WDR70: variants seen among roughly 807,000 people sequenced by gnomAD.
The protein encoded by WDR70 is WD repeat-containing protein 70.
A neutral mutation model predicts 88.6 loss-of-function variants in WDR70; 53 were observed. The ratio of observed to expected loss-of-function variants is 0.60; its 90% CI spans 0.48 to 0.75. The LOEUF is 0.75. Among genes scored for constraint, WDR70 ranks in the 30% least tolerant of loss-of-function variants. WDR70 has a pLI of 0.00. For synonymous variants in WDR70, 280 were observed against 270.0 expected (o/e 1.04, Z -0.36); for missense variants, 610 against 823.2 (o/e 0.74, Z 3.17).
intron 7 of WDR70, chr5:37,479,580 C>T (rs574126449): frequency 2.7e-4 from 78 of 284,092 alleles, no homozygotes; most frequent in East Asian, 1.8e-3. Flanking sequence ...CATGTTGGTC[C>T]GGCTGATTTT....
chr5:37,720,639 G>C (rs573508111), intron 13 of WDR70, among the ~76,000 whole-genome samples: 13 of 152,120 alleles, frequency 8.5e-5, no homozygotes, highest in Non-Finnish European at 1.8e-4. Context: ...GCCTACAAAT[G>C]TGCATTGTTT....
intron 10 of WDR70, among the ~76,000 whole-genome samples, chr5:37,612,085 G>T (rs901811839): frequency 1.2e-4 from 19 of 152,068 alleles, no homozygotes; most frequent in Non-Finnish European, 1.5e-5. Flanking sequence ...AAGTAGCACG[G>T]TATTCACTCT....
chr5:37,697,063 T>C (rs910210799), intron 10 of WDR70, among the ~76,000 whole-genome samples: 2 of 152,150 alleles, frequency 1.3e-5, no homozygotes, highest in Non-Finnish European at 2.9e-5. Flanking sequence ...ATGATAATAA[T>C]GGAACCTAAC....
intron 5 of WDR70, among the ~76,000 whole-genome samples, chr5:37,419,521 A>G (rs553281142): frequency 4.0e-5 from 6 of 151,520 alleles, no homozygotes; most frequent in Admixed American, 3.9e-4. Context: ...TTTTTTTAAA[A>G]ACTGAATTTA....
intron 8 of WDR70, among the ~76,000 whole-genome samples, chr5:37,504,140 A>G (rs1264636063): frequency 1.3e-5 from 2 of 152,250 alleles, no homozygotes; most frequent in Middle Eastern, 3.4e-3. Context: ...TTTTTTTGTC[A>G]TATGATTGAT....
At chr5:37,704,725 T>A (rs1216995197) in intron 13 of WDR70, among the ~76,000 whole-genome samples, 1 of 152,132 alleles carries the variant, frequency 6.6e-6, no homozygotes, top group African/African-American at 2.4e-5. Flanking sequence ...ATTGAATGAG[T>A]GAGAGATATA....
chr5:37,739,036 T>G (rs2112727273), intron 17 of WDR70, among the ~76,000 whole-genome samples: 1 of 152,326 alleles, frequency 6.6e-6, no homozygotes, highest in South Asian at 2.1e-4. Flanking sequence ...TCTTGGTAAC[T>G]CTAGTAAACA....
intron 8 of WDR70, among the ~76,000 whole-genome samples, chr5:37,516,035 T>C (rs1740876423): frequency 6.6e-6 from 1 of 152,220 alleles, no homozygotes; most frequent in African/African-American, 2.4e-5. Context: ...ACAGAGGCAT[T>C]GTAGAATCAA....
At chr5:37,664,932 C>T (rs1240443275) in intron 10 of WDR70, among the ~76,000 whole-genome samples, 3 of 152,184 alleles carry the variant, frequency 2.0e-5, no homozygotes, top group Non-Finnish European at 4.4e-5. Context: ...CTGTGTCATA[C>T]AGTTTCAAGG....
intron 5 of WDR70, among the ~76,000 whole-genome samples, chr5:37,415,378 C>T: frequency 7.5e-6 from 1 of 132,940 alleles, no homozygotes; most frequent in Non-Finnish European, 1.7e-5. Flanking sequence ...GCACCCCTCA[C>T]CTCCCGGACG....
intron 9 of WDR70, among the ~76,000 whole-genome samples, chr5:37,548,018 G>C (rs1201273495): frequency 6.6e-6 from 1 of 152,146 alleles, no homozygotes; most frequent in Non-Finnish European, 1.5e-5. Flanking sequence ...TTGTGTATGA[G>C]TACCATATTT....
At chr5:37,454,982 G>C (rs1464778101) in intron 7 of WDR70, among the ~76,000 whole-genome samples, 2 of 152,132 alleles carry the variant, frequency 1.3e-5, no homozygotes, top group African/African-American at 4.8e-5. Flanking sequence ...TGTTCTGATT[G>C]ATGATTAAAT....
chr5:37,553,273 A>G (rs1742199640), intron 9 of WDR70, among the ~76,000 whole-genome samples: 1 of 152,092 alleles, frequency 6.6e-6, no homozygotes, highest in African/African-American at 2.4e-5. Context: ...TATGTTACAC[A>G]TTTATTTAGG....
At chr5:37,527,794 C>G (rs187705899) in intron 9 of WDR70, among the ~76,000 whole-genome samples, 1 of 152,104 alleles carries the variant, frequency 6.6e-6, no homozygotes, top group Non-Finnish European at 1.5e-5. Flanking sequence ...AAGAAAAAAA[C>G]AACCCCATCA....
intron 10 of WDR70, among the ~76,000 whole-genome samples, chr5:37,692,033 G>C (rs889785000): frequency 1.3e-5 from 2 of 152,036 alleles, no homozygotes; most frequent in African/African-American, 2.4e-5. Flanking sequence ...TATCACCACC[G>C]ATCCCACAGA....
chr5:37,402,116 T>C (rs773670676), intron 5 of WDR70, among the ~76,000 whole-genome samples: 15 of 152,194 alleles, frequency 9.9e-5, no homozygotes, highest in Non-Finnish European at 1.9e-4. Flanking sequence ...TTCGTTTCTG[T>C]TTCTACTATT....
At chr5:37,540,347 T>TGTTATA (rs1208052222) in intron 9 of WDR70, among the ~76,000 whole-genome samples, 1 of 152,210 alleles carries the variant, frequency 6.6e-6, no homozygotes, top group African/African-American at 2.4e-5. Context: ...CCTATCCTGC[T>TGTTATA]GTTATATATA....
At chr5:37,700,942 C>T in intron 11 of WDR70, 116 bp from the exon 12 acceptor site, 1 of 613,766 alleles carries the variant, frequency 1.6e-6, no homozygotes. Flanking sequence ...TCTCCCCTTC[C>T]CCTTCCCTTT....
At chr5:37,449,028 G>T (rs1211472912) in intron 7 of WDR70, among the ~76,000 whole-genome samples, 1 of 152,158 alleles carries the variant, frequency 6.6e-6, no homozygotes, top group East Asian at 1.9e-4. Context: ...GTTCTTCATG[G>T]TAAAGTTACT....
Sources: gnomAD v4.1 joint callset for allele counts (sites outside exome capture counted in the v4.1 genomes callset) on GRCh38, gnomAD v4.1.1 for gene constraint, MANE v1.5 for transcripts, NCBI Gene and HGNC (gene_info 2026-07-23, HGNC 2026-07-21) for gene names.